ACACB: variants seen among roughly 807,000 people sequenced by gnomAD.
The protein encoded by ACACB is acetyl-CoA carboxylase 2.
In ACACB, 209 loss-of-function variants were observed where a neutral mutation model predicts 278.8. The observed-to-expected ratio is 0.75, with a 90% CI of 0.67 to 0.84. ACACB has a LOEUF of 0.84. Ranked by LOEUF, ACACB falls within the 40% of genes least tolerant of loss-of-function variation. The probability of loss-of-function intolerance (pLI) is 0.00; values close to 1 mark genes in which losing one functional copy is unlikely to be tolerated. For missense variants in ACACB, 2,850 were observed against 3,269.0 expected, an observed-to-expected ratio of 0.87 and a Z score of 3.13; for synonymous variants, 1,174 against 1,285.6, an observed-to-expected ratio of 0.91 and a Z score of 1.86.
chr12:109,246,060 G>C (rs2136705132), intron 38 of ACACB, 119 bp from the exon 39 acceptor site: 1 of 1,218,606 alleles, frequency 8.2e-7, no homozygotes, highest in East Asian at 2.6e-5. Flanking sequence ...ACTGCACTCT[G>C]GCCTGCGCAA....
chr12:109,188,223 T>TTCCTTCCTTCCTTCCTTCCC, intron 13 of ACACB, 61 bp downstream of exon 13: 1 of 1,200,774 alleles, frequency 8.3e-7, no homozygotes, highest in South Asian at 1.5e-5. Flanking sequence ...CCTTCCTTCC[T>TTCCTTCCTTCCTTCCTTCCC]TCCTTCCTTC....
intron 9 of ACACB, among the ~76,000 whole-genome samples, chr12:109,177,507 G>T (rs2044317505): frequency 6.6e-6 from 1 of 152,182 alleles, no homozygotes; most frequent in Admixed American, 6.5e-5. Flanking sequence ...ATATGTGAAT[G>T]TTGTATAAAG....
chr12:109,180,191 A>T, intron 11 of ACACB, 104 bp downstream of exon 11: 1 of 1,240,366 alleles, frequency 8.1e-7, no homozygotes, highest in Non-Finnish European at 1.1e-6. Flanking sequence ...CGACTGTCCC[A>T]GGGGAATGAC....
intron 37 of ACACB, 70 bp downstream of exon 37, chr12:109,242,662 T>C (rs2046833302): frequency 4.6e-6 from 7 of 1,535,060 alleles, no homozygotes; most frequent in Non-Finnish European, 6.2e-6. Flanking sequence ...CCAAAGCCCA[T>C]CCTTAATTCT....
At chr12:109,199,578 A>C (rs566737538) in intron 18 of ACACB, 26 bp downstream of exon 18, 1 of 1,403,744 alleles carries the variant, frequency 7.1e-7, no homozygotes, top group South Asian at 1.8e-5. Context: ...GCCGTGGGGA[A>C]TCCTGAACCC....
At position 109,166,969 on chromosome 12, in the gene ACACB, T is replaced by TG. The variant is rs768607691; in HGVS notation, c.769dup (p.Asp257GlyfsTer29). ...CTCCCGCTGAGTTTGTCACACGCTT[T>TG]GGGGGGGATCGGGTCATCGAGAAGG... On this transcript the variant is annotated frameshift_variant, in exon 3 of 53. Coordinates refer to ENST00000338432, the MANE Select transcript of ACACB (RefSeq NM_001093.4). LOFTEE classifies it high-confidence loss of function. 12 of 1,613,446 alleles carry TG rather than the reference T, an allele frequency of 7.4e-6. No individual in the cohort carries two copies. In the Admixed American group the frequency reaches 8.3e-5, roughly 11 times the overall value.
At chr12:109,257,166 C>CG (rs1360131194) in intron 45 of ACACB, among the ~76,000 whole-genome samples, 1 of 152,010 alleles carries the variant, frequency 6.6e-6, no homozygotes, top group Non-Finnish European at 1.5e-5. Flanking sequence ...CCCAGCTACT[C>CG]GGGGGGCTGA....
chr12:109,151,239 T>C (rs891650922), intron 2 of ACACB, among the ~76,000 whole-genome samples: 2 of 152,214 alleles, frequency 1.3e-5, no homozygotes, highest in African/African-American at 4.8e-5. Context: ...CTCCTTGGCC[T>C]CCCAAAGTGC....
At chr12:109,223,616 G>A (rs2046237798) in intron 26 of ACACB, among the ~76,000 whole-genome samples, 199 bp from the exon 27 acceptor site, 1 of 152,044 alleles carries the variant, frequency 6.6e-6, no homozygotes, top group African/African-American at 2.4e-5. Context: ...ACAAAAAAAA[G>A]AGCCACGATG....
intron 44 of ACACB, 123 bp downstream of exon 44, chr12:109,254,457 G>C: frequency 1.0e-6 from 1 of 979,514 alleles, no homozygotes; most frequent in South Asian, 1.8e-5. Context: ...ATATCCCAGA[G>C]AGGTATACCT....
chr12:109,208,575 A>G (rs2045590629), intron 20 of ACACB, among the ~76,000 whole-genome samples: 1 of 152,122 alleles, frequency 6.6e-6, no homozygotes, highest in Admixed American at 6.5e-5. Context: ...AAACCTCACA[A>G]CCACACTAGG....
chr12:109,122,572 CAAAAAA>C (rs59516728), intron 1 of ACACB, among the ~76,000 whole-genome samples: 2 of 61,836 alleles, frequency 3.2e-5, no homozygotes, highest in African/African-American at 1.2e-4. Flanking sequence ...GACATTGTCT[CAAAAAA>C]AAAAAAAAAA....
intron 31 of ACACB, among the ~76,000 whole-genome samples, chr12:109,234,923 TA>T (rs978880402): frequency 8.9e-5 from 13 of 146,034 alleles, no homozygotes; most frequent in African/African-American, 3.0e-4. Flanking sequence ...TTTTTTTTTT[TA>T]GAAGAAATAA....
intron 37 of ACACB, among the ~76,000 whole-genome samples, chr12:109,243,163 C>T (rs562795131): frequency 9.9e-5 from 15 of 152,258 alleles, no homozygotes; most frequent in South Asian, 6.2e-4. Context: ...AATTGCTTAA[C>T]ATTTTGATGT....
chr12:109,112,868 G>A (rs1170527870), upstream of ACACB, among the ~76,000 whole-genome samples: 1 of 152,138 alleles, frequency 6.6e-6, no homozygotes, highest in Non-Finnish European at 1.5e-5. Flanking sequence ...TGAAGGGTCA[G>A]GTGGTAAATA....
At chr12:109,167,575 G>A (rs772901535) in intron 3 of ACACB, among the ~76,000 whole-genome samples, 5 of 138,478 alleles carry the variant, frequency 3.6e-5, no homozygotes, top group East Asian at 4.5e-4. Context: ...CTCCAGCCTG[G>A]GTGACAGAGC....
At chr12:109,156,972 G>C (rs1240785341) in intron 2 of ACACB, among the ~76,000 whole-genome samples, 5 of 152,042 alleles carry the variant, frequency 3.3e-5, no homozygotes, top group Non-Finnish European at 5.9e-5. Context: ...GCACTAAGTG[G>C]AGAGTGTTGT....
At chr12:109,222,989 C>A in intron 26 of ACACB, 77 bp downstream of exon 26, 1 of 1,130,622 alleles carries the variant, frequency 8.8e-7, no homozygotes, top group South Asian at 1.3e-5. Flanking sequence ...GGAAACGGCT[C>A]CTCCTGCCCT....
chr12:109,212,954 C>A lies in ACACB; in HGVS notation c.3350+18C>A. 1 of 1,606,692 alleles carries A rather than the reference C, an allele frequency of 6.2e-7. No individual in the cohort carries two copies. Among genetic ancestry groups the A allele is most frequent in the South Asian group, 1.1e-5 (1 of 90,872 alleles). On this transcript the variant is annotated intron_variant, in intron 22 of 52. Transcript: ENST00000338432. ...GTCCAGAGGTGAATCCTGGGTCTCCCCGTAGGATGTGGTTGTCACCTGAAT... is the reference window on the plus strand; with the variant it reads ...GTCCAGAGGTGAATCCTGGGTCTCCACGTAGGATGTGGTTGTCACCTGAAT...
Sources: gnomAD v4.1 joint callset for allele counts (sites outside exome capture counted in the v4.1 genomes callset) on GRCh38, gnomAD v4.1.1 for gene constraint, MANE v1.5 for transcripts, NCBI Gene and HGNC (gene_info 2026-07-23, HGNC 2026-07-21) for gene names.